PTPN13: variants seen among roughly 807,000 people sequenced by gnomAD.
PTPN13 encodes the protein tyrosine-protein phosphatase non-receptor type 13.
PTPN13 carries 191 observed loss-of-function variants against 284.0 expected under a neutral mutation model. That is an observed-to-expected ratio of 0.67 (90% CI 0.60 to 0.76). PTPN13 has a LOEUF of 0.76. Among genes scored for constraint, PTPN13 ranks in the 30% least tolerant of loss-of-function variants. The pLI, the probability that PTPN13 is intolerant of heterozygous loss-of-function variation, is 0.00. For synonymous variants in PTPN13, 986 were observed against 1,022.3 expected, an observed-to-expected ratio of 0.96 and a Z score of 0.68; for missense variants, 2,797 against 2,939.9, an observed-to-expected ratio of 0.95 and a Z score of 1.12.
chr4:86,788,628 C>T (rs66584788), intron 40 of PTPN13, among the ~76,000 whole-genome samples: 15,145 of 152,102 alleles, frequency 0.1, 875 homozygotes, highest in Non-Finnish European at 0.11. Flanking sequence ...CAGGTCAATG[C>T]CTGTGTCTCA....
At chr4:86,698,762 T>C (rs1051999791) in intron 6 of PTPN13, among the ~76,000 whole-genome samples, 1 of 152,122 alleles carries the variant, frequency 6.6e-6, no homozygotes, top group African/African-American at 2.4e-5. Flanking sequence ...TGAGAGTTGC[T>C]AATGTATAGA....
intron 1 of PTPN13, among the ~76,000 whole-genome samples, chr4:86,628,993 T>C (rs1431666716): frequency 6.6e-6 from 1 of 151,942 alleles, no homozygotes; most frequent in Non-Finnish European, 1.5e-5. Flanking sequence ...AGCAGCATGA[T>C]TTATAGTCCT....
At chr4:86,730,115 G>T (rs1188129241) in intron 10 of PTPN13, among the ~76,000 whole-genome samples, 3 of 149,572 alleles carry the variant, frequency 2.0e-5, no homozygotes, top group Admixed American at 2.0e-4. Flanking sequence ...TTTGCTGGAG[G>T]TCCACTCCAG....
At chr4:86,617,845 A>G (rs960842061) in intron 1 of PTPN13, among the ~76,000 whole-genome samples, 11 of 152,008 alleles carry the variant, frequency 7.2e-5, no homozygotes, top group South Asian at 6.2e-4. Flanking sequence ...AGATGAGTAG[A>G]TTGCAAAAAT....
intron 2 of PTPN13, among the ~76,000 whole-genome samples, chr4:86,652,605 G>A (rs1312994701): frequency 5.9e-5 from 9 of 152,126 alleles, no homozygotes; most frequent in Admixed American, 5.9e-4. Flanking sequence ...CCTATGAGGT[G>A]TCCAGTAGGA....
At chr4:86,597,638 C>T (rs1056782311) in intron 1 of PTPN13, among the ~76,000 whole-genome samples, 1 of 152,112 alleles carries the variant, frequency 6.6e-6, no homozygotes, top group Admixed American at 6.5e-5. Flanking sequence ...CCTTTAAGAC[C>T]CTTATTCTTG....
chr4:86,638,693 G>A (rs972688783), intron 2 of PTPN13, among the ~76,000 whole-genome samples: 1 of 152,142 alleles, frequency 6.6e-6, no homozygotes, highest in Non-Finnish European at 1.5e-5. Context: ...ATGGATTAAA[G>A]ATTTAAACGT....
In PTPN13 at chr4:86,722,275, A is replaced by T. The variant is rs769731731; in HGVS notation, c.1449A>T (p.Gln483His). The part of the protein sequence containing the change: ...LINQEIMLKR[Q>H]EEELMQLQAK... ...ATCAAGAGATCATGCTAAAACGGCAAGAGGAAGAACTGATGCAGCTACAAG... is the reference window on the plus strand; with the variant it reads ...ATCAAGAGATCATGCTAAAACGGCATGAGGAAGAACTGATGCAGCTACAAG... The change falls in exon 10 of 48, where the codon CAA becomes CAT. Residue 483 changes from glutamine (Q) to histidine (H), a missense_variant. By Grantham distance (24) the Gln-to-His change is conservative. Transcript: ENST00000411767. 3 of 1,613,762 alleles carry T rather than the reference A, an allele frequency of 1.9e-6. No individual in the cohort carries two copies. The highest frequency in any genetic ancestry group is 3.3e-5 in the Admixed American group (2 of 59,990).
chr4:86,707,170 C>G (rs1412955089), intron 7 of PTPN13, among the ~76,000 whole-genome samples: 10 of 152,182 alleles, frequency 6.6e-5, no homozygotes, highest in Non-Finnish European at 2.9e-5. Flanking sequence ...GGGTGGGGAT[C>G]ATTAATAGCA....
intron 1 of PTPN13, among the ~76,000 whole-genome samples, chr4:86,610,306 A>G (rs990547217): frequency 3.4e-4 from 51 of 152,190 alleles, no homozygotes; most frequent in South Asian, 2.1e-4. Flanking sequence ...GCTTCCTACT[A>G]TTGGTAGAAA....
At chr4:86,697,380 T>G (rs1730691560) in intron 6 of PTPN13, among the ~76,000 whole-genome samples, 1 of 152,092 alleles carries the variant, frequency 6.6e-6, no homozygotes, top group African/African-American at 2.4e-5. Context: ...GGATAATGCC[T>G]TATACCTAGT....
intron 2 of PTPN13, among the ~76,000 whole-genome samples, chr4:86,640,136 AAC>A (rs1165553010): frequency 6.6e-6 from 1 of 152,100 alleles, no homozygotes; most frequent in Admixed American, 6.6e-5. Context: ...ATTGTGAAAA[AAC>A]AGTGTTAGGG....
chr4:86,674,821 G>A (rs1001042701), intron 3 of PTPN13, among the ~76,000 whole-genome samples: 2 of 152,040 alleles, frequency 1.3e-5, no homozygotes, highest in Non-Finnish European at 2.9e-5. Context: ...TTATTAAGCT[G>A]GATAGTATAC....
chr4:86,619,782 A>T (rs998355248), intron 1 of PTPN13, among the ~76,000 whole-genome samples: 1 of 151,032 alleles, frequency 6.6e-6, no homozygotes, highest in Non-Finnish European at 1.5e-5. Flanking sequence ...TTTTCCCCCA[A>T]TACTTGTCTC....
chr4:86,785,805 A>G (rs1443288906), intron 39 of PTPN13, 43 bp from the exon 40 acceptor site: 3 of 1,282,054 alleles, frequency 2.3e-6, no homozygotes, highest in Non-Finnish European at 3.2e-6. Context: ...TACTTCCTCA[A>G]TAGTTTTATA....
chr4:86,748,919 T>A (rs1163397309), intron 17 of PTPN13, among the ~76,000 whole-genome samples: 5 of 152,298 alleles, frequency 3.3e-5, no homozygotes, highest in Non-Finnish European at 7.4e-5. Context: ...CCTCCCAAAG[T>A]GCTGGGATTA....
chr4:86,695,860 CAG>C (rs1730539199), intron 6 of PTPN13, among the ~76,000 whole-genome samples: 1 of 151,916 alleles, frequency 6.6e-6, no homozygotes, highest in African/African-American at 2.4e-5. Flanking sequence ...TTAATTTTTG[CAG>C]ACAGTGTATT....
rs763473307 is a variant in PTPN13, at chr4:86,775,238, AAAC to A, written c.5578_5580del (p.Thr1860del). 1.2e-6 allele frequency: 2 copies of A among 1,613,660 alleles called. No individual in the cohort carries two copies. The highest frequency in any genetic ancestry group is 3.3e-5 in the Admixed American group (2 of 60,018). On this transcript the variant is annotated inframe_deletion, in exon 34 of 48. Transcript: ENST00000411767. ...GTTAATCTGCTCCGGGCTGCATCCA[AAAC>A]AGTCAGATTAGTTATTGGACGAGTT...
chr4:86,739,625 C>G (rs992767710), intron 15 of PTPN13, among the ~76,000 whole-genome samples: 1 of 152,124 alleles, frequency 6.6e-6, no homozygotes, highest in Non-Finnish European at 1.5e-5. Flanking sequence ...CACTTCTGGC[C>G]CCTCCCAAAT....
Sources: allele counts gnomAD v4.1 joint callset (sites outside exome capture counted in the v4.1 genomes callset), GRCh38; gene constraint gnomAD v4.1.1; transcripts MANE v1.5; gene names NCBI Gene and HGNC (gene_info 2026-07-23, HGNC 2026-07-21).